The following CNTN5 variants were observed in gnomAD, a reference collection of about 807,000 sequenced individuals.
The protein encoded by CNTN5 is contactin 5.
A neutral mutation model predicts 129.1 loss-of-function variants in CNTN5; 77 were observed. That is an observed-to-expected ratio of 0.60 (90% confidence interval 0.50 to 0.72). The LOEUF is 0.72. Ranked by LOEUF, CNTN5 falls within the 30% of genes least tolerant of loss-of-function variation. CNTN5 has a pLI of 0.00. For synonymous variants in CNTN5, 509 were observed against 465.6 expected, an observed-to-expected ratio of 1.09 and a Z score of -1.20; for missense variants, 1,478 against 1,328.8, an observed-to-expected ratio of 1.11 and a Z score of -1.75.
chr11:99,612,076 T>C (rs1294872720), intron 3 of CNTN5, among the ~76,000 whole-genome samples: 3 of 152,192 alleles, frequency 2.0e-5, no homozygotes, highest in East Asian at 3.8e-4. Context: ...GCAACTGATA[T>C]GTAGGAGGCA....
chr11:100,221,623 A>G (rs1420565554), intron 15 of CNTN5, among the ~76,000 whole-genome samples: 4 of 152,212 alleles, frequency 2.6e-5, no homozygotes, highest in African/African-American at 9.6e-5. Context: ...ACAGAGAGTG[A>G]ACATACATCC....
chr11:99,819,225 C>CT (rs1946690839), intron 3 of CNTN5, among the ~76,000 whole-genome samples: 1 of 147,588 alleles, frequency 6.8e-6, no homozygotes, highest in Non-Finnish European at 1.5e-5. Flanking sequence ...TTCTTTCCTA[C>CT]TTACCTCTCT....
intron 3 of CNTN5, among the ~76,000 whole-genome samples, chr11:99,745,837 A>G (rs1415214730): frequency 3.3e-5 from 5 of 152,102 alleles, no homozygotes; most frequent in African/African-American, 1.2e-4. Context: ...AGGCACTTAT[A>G]AATAGTAAGG....
At chr11:99,551,147 A>G (rs1455460210) in intron 2 of CNTN5, among the ~76,000 whole-genome samples, 1 of 152,196 alleles carries the variant, frequency 6.6e-6, no homozygotes, top group East Asian at 1.9e-4. Flanking sequence ...TATACACTGC[A>G]GTTTCCTGTG....
intron 13 of CNTN5, among the ~76,000 whole-genome samples, chr11:100,147,516 T>A (rs781508067): frequency 6.6e-6 from 1 of 152,112 alleles, no homozygotes; most frequent in Non-Finnish European, 1.5e-5. Context: ...CCTGCAACTC[T>A]TGCCTGCAGC....
chr11:99,974,337 A>G (rs1432400034), intron 8 of CNTN5, among the ~76,000 whole-genome samples: 5 of 152,196 alleles, frequency 3.3e-5, no homozygotes, highest in East Asian at 3.8e-4. Context: ...GCACAAGGTC[A>G]TAGTTGGTGA....
At chr11:99,805,009 G>A (rs1946226268) in intron 3 of CNTN5, among the ~76,000 whole-genome samples, 1 of 151,948 alleles carries the variant, frequency 6.6e-6, no homozygotes, top group Non-Finnish European at 1.5e-5. Context: ...AGAAACCATA[G>A]GTAACTGTTT....
intron 3 of CNTN5, among the ~76,000 whole-genome samples, chr11:99,713,311 G>A (rs1955079957): frequency 6.6e-6 from 1 of 151,942 alleles, no homozygotes; most frequent in South Asian, 2.1e-4. Flanking sequence ...TGTTATTGGT[G>A]TATAGGAAGG....
At chr11:99,626,432 C>G (rs1393394150) in intron 3 of CNTN5, among the ~76,000 whole-genome samples, 1 of 151,958 alleles carries the variant, frequency 6.6e-6, no homozygotes, top group Non-Finnish European at 1.5e-5. Flanking sequence ...TTGCCTTGTT[C>G]ATTTAGTTTG....
intron 2 of CNTN5, among the ~76,000 whole-genome samples, chr11:99,543,918 C>CAAA (rs1417154216): frequency 8.6e-5 from 2 of 23,170 alleles, no homozygotes; most frequent in African/African-American, 1.1e-4. Flanking sequence ...GAGTCTGTCT[C>CAAA]AAAAAAACAA....
chr11:100,329,550 C>T (rs1372368398), intron 21 of CNTN5, among the ~76,000 whole-genome samples: 1 of 152,158 alleles, frequency 6.6e-6, no homozygotes, highest in Non-Finnish European at 1.5e-5. Context: ...AAAAGCACAA[C>T]CAAGGACCTT....
intron 9 of CNTN5, among the ~76,000 whole-genome samples, chr11:100,056,980 A>G (rs534022653): frequency 1.3e-3 from 199 of 151,724 alleles, no homozygotes; most frequent in Non-Finnish European, 2.3e-3. Context: ...ATAACATGGA[A>G]CTTGTACCAA....
chr11:99,504,254 T>G (rs1399263631), intron 2 of CNTN5, among the ~76,000 whole-genome samples: 3 of 152,142 alleles, frequency 2.0e-5, no homozygotes, highest in African/African-American at 7.2e-5. Flanking sequence ...CCAAAAGAAA[T>G]TAAAGTGGCT....
intron 9 of CNTN5, among the ~76,000 whole-genome samples, chr11:100,042,762 T>G (rs1480797379): frequency 1.3e-5 from 2 of 152,218 alleles, no homozygotes. Context: ...GTGTCAGAAT[T>G]TCAGTGTGGC....
intron 4 of CNTN5, among the ~76,000 whole-genome samples, chr11:99,826,713 G>T (rs926739302): frequency 2.0e-5 from 3 of 152,206 alleles, no homozygotes; most frequent in Non-Finnish European, 4.4e-5. Context: ...TTGTAGCAAA[G>T]TATGAATGGC....
chr11:99,578,696 T>A (rs1949455221), intron 3 of CNTN5, among the ~76,000 whole-genome samples: 1 of 151,192 alleles, frequency 6.6e-6, no homozygotes, highest in South Asian at 2.1e-4. Context: ...TTCTTGTAAA[T>A]TTGTTTGAGT....
Position 100,070,411 on chromosome 11 carries a change from TA to T in CNTN5, c.1163-12del. 1 of 1,608,944 alleles carries T rather than the reference TA, an allele frequency of 6.2e-7. No individual in the cohort carries two copies. Among genetic ancestry groups the T allele is most frequent in the South Asian group, 1.1e-5 (1 of 90,546 alleles). ...AATGAAATCATCCTTGTTTACTGCT[TA>T]CATACTTACAGCCTACCCACACTGG... On this transcript the variant is annotated splice_polypyrimidine_tract_variant and intron_variant, in intron 10 of 24. Coordinates refer to ENST00000524871, the MANE Select transcript of CNTN5 (RefSeq NM_014361.4).
intron 15 of CNTN5, among the ~76,000 whole-genome samples, chr11:100,224,356 C>T (rs1413699171): frequency 6.6e-6 from 1 of 152,122 alleles, no homozygotes; most frequent in African/African-American, 2.4e-5. Flanking sequence ...ACAAAATACA[C>T]CTGTCTCTGA....
chr11:99,277,910 T>C (rs1438391257), intron 1 of CNTN5, among the ~76,000 whole-genome samples: 1 of 151,628 alleles, frequency 6.6e-6, no homozygotes, highest in African/African-American at 2.4e-5. Context: ...GACACAACAA[T>C]GCAGAACTGG....
Sources: gnomAD v4.1 joint callset for allele counts (sites outside exome capture counted in the v4.1 genomes callset) on GRCh38, gnomAD v4.1.1 for gene constraint, MANE v1.5 for transcripts, NCBI Gene and HGNC (gene_info 2026-07-23, HGNC 2026-07-21) for gene names.